The following CDKAL1 variants were observed in gnomAD, a reference collection of about 807,000 sequenced individuals.
The protein encoded by CDKAL1 is threonylcarbamoyladenosine tRNA methylthiotransferase.
A neutral mutation model predicts 68.2 loss-of-function variants in CDKAL1; 32 were observed. The observed-to-expected ratio is 0.47, with a 90% CI of 0.35 to 0.63. The LOEUF (loss-of-function observed/expected upper bound fraction) is 0.63, where lower values mean the gene tolerates loss of function less well. CDKAL1 is among the 30% of genes least tolerant of loss of function. The pLI is 0.00. For synonymous variants in CDKAL1, 234 were observed against 244.3 expected (o/e 0.96, Z 0.39); for missense variants, 606 against 696.7 (o/e 0.87, Z 1.47).
intron 15 of CDKAL1, among the ~76,000 whole-genome samples, chr6:21,223,174 T>C (rs114283167): frequency 0.019 from 2,933 of 152,306 alleles, 87 homozygotes; most frequent in African/African-American, 0.064. Flanking sequence ...TTGATCTTGA[T>C]AGTCATTGTA....
chr6:21,213,226 T>G (rs1478462304), intron 15 of CDKAL1, among the ~76,000 whole-genome samples: 1 of 152,190 alleles, frequency 6.6e-6, no homozygotes, highest in Non-Finnish European at 1.5e-5. Context: ...AGAGTCCATT[T>G]GATAGGATGG....
chr6:21,034,533 A>G (rs998136428), intron 11 of CDKAL1, among the ~76,000 whole-genome samples: 2 of 152,346 alleles, frequency 1.3e-5, no homozygotes, highest in East Asian at 1.9e-4. Flanking sequence ...CTGGACTGAT[A>G]GGTTTTTATT....
intron 15 of CDKAL1, among the ~76,000 whole-genome samples, chr6:21,208,017 CTT>C (rs56674577): frequency 1.1e-4 from 16 of 146,382 alleles, no homozygotes; most frequent in East Asian, 4.0e-4. Flanking sequence ...CTCTTTATGT[CTT>C]TTTTTTTTTT....
intron 11 of CDKAL1, among the ~76,000 whole-genome samples, chr6:21,023,343 G>A (rs966109093): frequency 6.6e-6 from 1 of 152,056 alleles, no homozygotes; most frequent in African/African-American, 2.4e-5. Flanking sequence ...TACTCTGAAG[G>A]TCTGAACTTG....
chr6:20,571,550 T>C (rs1764702513), intron 4 of CDKAL1, among the ~76,000 whole-genome samples: 1 of 152,054 alleles, frequency 6.6e-6, no homozygotes, highest in Non-Finnish European at 1.5e-5. Flanking sequence ...TGGATTGACA[T>C]TTTGGGGGGA....
At chr6:21,114,314 C>CA (rs955216311) in intron 13 of CDKAL1, among the ~76,000 whole-genome samples, 5 of 148,916 alleles carry the variant, frequency 3.4e-5, no homozygotes, top group Non-Finnish European at 7.4e-5. Context: ...GGTAAGGGAC[C>CA]AAAAAAAATG....
chr6:20,612,766 T>C (rs1766675750), intron 4 of CDKAL1, among the ~76,000 whole-genome samples: 1 of 152,148 alleles, frequency 6.6e-6, no homozygotes, highest in Non-Finnish European at 1.5e-5. Context: ...TTGTCTACTT[T>C]TGGTTTTGTT....
At chr6:20,597,022 C>T (rs567326580) in intron 4 of CDKAL1, among the ~76,000 whole-genome samples, 7 of 152,212 alleles carry the variant, frequency 4.6e-5, no homozygotes, top group Non-Finnish European at 7.3e-5. Context: ...CAGTTGGAAA[C>T]GCAGAAATCA....
intron 13 of CDKAL1, among the ~76,000 whole-genome samples, chr6:21,152,661 G>C (rs972020850): frequency 1.3e-5 from 2 of 152,146 alleles, no homozygotes; most frequent in Non-Finnish European, 2.9e-5. Context: ...CTTATTTACT[G>C]CCCGTAATGA....
intron 5 of CDKAL1, among the ~76,000 whole-genome samples, chr6:20,654,574 T>G (rs919723928): frequency 1.3e-4 from 20 of 152,328 alleles, no homozygotes; most frequent in African/African-American, 3.8e-4. Flanking sequence ...TTTCATGGTT[T>G]TACCTTTTAC....
At chr6:21,060,842 A>G (rs929259497) in intron 11 of CDKAL1, among the ~76,000 whole-genome samples, 12 of 152,122 alleles carry the variant, frequency 7.9e-5, no homozygotes, top group African/African-American at 2.9e-4. Flanking sequence ...GTTTATGTCT[A>G]TAATTTTGGT....
chr6:20,988,836 T>G (rs1443506897), intron 10 of CDKAL1, among the ~76,000 whole-genome samples: 1 of 145,564 alleles, frequency 6.9e-6, no homozygotes, highest in African/African-American at 2.5e-5. Context: ...TTTTTTGTAT[T>G]TTTAGTAGAG....
intron 12 of CDKAL1, among the ~76,000 whole-genome samples, chr6:21,069,287 G>A (rs996026810): frequency 3.3e-5 from 5 of 152,106 alleles, no homozygotes; most frequent in Admixed American, 1.3e-4. Context: ...AAAGTTAGCT[G>A]TAGCTTTGGA....
chr6:21,011,900 G>C (rs1335848653), intron 11 of CDKAL1, among the ~76,000 whole-genome samples: 1 of 152,066 alleles, frequency 6.6e-6, no homozygotes, highest in Non-Finnish European at 1.5e-5. Flanking sequence ...GTATATAAAA[G>C]TTGTAGTTTG....
At chr6:21,149,788 A>G (rs1464728694) in intron 13 of CDKAL1, among the ~76,000 whole-genome samples, 1 of 152,224 alleles carries the variant, frequency 6.6e-6, no homozygotes, top group Non-Finnish European at 1.5e-5. Flanking sequence ...CATCGTATCT[A>G]TCAATCTTGA....
At chr6:21,151,867 GT>G (rs200231445) in intron 13 of CDKAL1, among the ~76,000 whole-genome samples, 6 of 149,166 alleles carry the variant, frequency 4.0e-5, no homozygotes, top group South Asian at 2.1e-4. Flanking sequence ...CGTATCTACA[GT>G]TTTTTTTTTA....
Position 20,548,610 on chromosome 6 carries a change from A to G in CDKAL1, c.191A>G (p.Gln64Arg). The G allele has an allele frequency of 1.3e-6, 2 of 1,543,876 alleles. No homozygotes were observed. The highest frequency in any genetic ancestry group is 2.3e-5 in the South Asian group (2 of 88,420). The change falls in exon 4 of 16, where the codon CAG becomes CGG. Residue 64 changes from glutamine to arginine, a missense_variant. Gln to Arg is a conservative substitution (Grantham distance 43, BLOSUM62 1). Coordinates refer to ENST00000274695, the MANE Select transcript of CDKAL1 (RefSeq NM_017774.3). ...CTTAACAGCACTATTCCAGGCATACAGAAAATTTGGATACGAACATGGGGT... is the reference window on the plus strand; with the variant it reads ...CTTAACAGCACTATTCCAGGCATACGGAAAATTTGGATACGAACATGGGGT... ...PPSDSTIPGI[Q>R]KIWIRTWGCS... is the part of the protein sequence containing the mutation.
chr6:20,860,251 G>A (rs1014524932), intron 9 of CDKAL1, among the ~76,000 whole-genome samples: 1 of 151,806 alleles, frequency 6.6e-6, no homozygotes, highest in Non-Finnish European at 1.5e-5. Flanking sequence ...CTAATTTTTT[G>A]TATTTTTAGT....
chr6:21,020,747 G>A (rs1380882577), intron 11 of CDKAL1, among the ~76,000 whole-genome samples: 1 of 150,902 alleles, frequency 6.6e-6, no homozygotes, highest in Non-Finnish European at 1.5e-5. Context: ...AATTACAGGC[G>A]TGAGCCACCG....
Sources: allele counts gnomAD v4.1 joint callset (sites outside exome capture counted in the v4.1 genomes callset), GRCh38; gene constraint gnomAD v4.1.1; transcripts MANE v1.5; gene names NCBI Gene and HGNC (gene_info 2026-07-23, HGNC 2026-07-21).